The following TRPV2 variants were observed in gnomAD, a reference collection of about 807,000 sequenced individuals.
The protein encoded by TRPV2 is OTRPC2.
A neutral mutation model predicts 91.0 loss-of-function variants in TRPV2; 58 were observed. The observed-to-expected ratio is 0.64, with a 90% CI of 0.52 to 0.79. The LOEUF (loss-of-function observed/expected upper bound fraction) is 0.79, where lower values mean the gene tolerates loss of function less well. Among genes scored for constraint, TRPV2 ranks in the 30% least tolerant of loss-of-function variants. TRPV2 has a pLI of 0.00. For synonymous variants in TRPV2, 417 were observed against 414.8 expected (o/e 1.01, Z -0.06); for missense variants, 807 against 969.6 (o/e 0.83, Z 2.23).
At chr17:16,417,391 C>A (rs1269642362) in intron 1 of TRPV2, among the ~76,000 whole-genome samples, 171 bp from the exon 2 acceptor site, 1 of 151,910 alleles carries the variant, frequency 6.6e-6, no homozygotes, top group Admixed American at 6.6e-5. Context: ...CAGGCACAAG[C>A]CACCATGCCC....
In TRPV2 at chr17:16,428,898, T is replaced by G. The variant is rs752652850; in HGVS notation, c.1503T>G (p.Ser501=). 6.2e-7 allele frequency: 1 copy of G among 1,614,068 alleles called. No homozygotes were observed. Among genetic ancestry groups the G allele is most frequent in the Non-Finnish European group, 8.5e-7 (1 of 1,180,044 alleles). ...AGTGGTACCTGCCCCTGCTTGTGTC[T>G]GCGCTGGTGCTGGGCTGGCTGAACC... ...AIEWYLPLLV[S]ALVLGWLNLL... The change falls in exon 10 of 15, where the codon TCT becomes TCG. Residue 501 remains serine (S), a synonymous_variant. Transcript: ENST00000338560.
Position 16,431,985 on chromosome 17 carries a change from G to T in TRPV2, c.1674G>T (p.Gln558His). 6.2e-7 allele frequency: 1 copy of T among 1,605,128 alleles called. No homozygotes were observed. Residue 558 changes from glutamine to histidine, a missense_variant, in exon 12 of 15, where the codon CAG becomes CAT. By Grantham distance (24) the Gln-to-His change is conservative (BLOSUM62 0). Transcript: ENST00000338560. ...CCATAGCCCTGGTGAGCCTGAGCCA[G>T]GAGGCTTGGCGCCCCGAAGCTCCTA... ...GFAVALVSLS[Q>H]EAWRPEAPTG...
At chr17:16,417,188 GGGT>G (rs1568900502) in intron 1 of TRPV2, among the ~76,000 whole-genome samples, 1 of 152,018 alleles carries the variant, frequency 6.6e-6, no homozygotes, top group Non-Finnish European at 1.5e-5. Context: ...CCCACACAGT[GGGT>G]GGACCTACTT....
intron 9 of TRPV2, 73 bp downstream of exon 9, chr17:16,428,460 C>G: frequency 6.5e-7 from 1 of 1,528,022 alleles, no homozygotes; most frequent in Non-Finnish European, 9.1e-7. Flanking sequence ...GCAGAAGGCA[C>G]CAGGTTGGCT....
chr17:16,419,544 C>T (rs1040308423), intron 2 of TRPV2: 5 of 396,356 alleles, frequency 1.3e-5, no homozygotes, highest in African/African-American at 1.1e-4. Context: ...AGTTACATGA[C>T]CTCCTTGTTT....
chr17:16,417,807 G>A lies in TRPV2; in HGVS notation c.139G>A (p.Asp47Asn), dbSNP rs2093338466. 1.2e-6 allele frequency: 2 copies of A among 1,614,088 alleles called. No individual in the cohort carries two copies. The highest frequency in any genetic ancestry group is 8.5e-7 in the Non-Finnish European group (1 of 1,180,054). ...PPMESQFQGE[D>N]RKFAPQIRVN... ...CATGGAGTCACAGTTCCAGGGCGAG[G>A]ACCGGAAATTCGCCCCTCAGATAAG... is the stretch of plus-strand genomic sequence containing the variant. Residue 47 changes from aspartate to asparagine, a missense_variant, in exon 2 of 15, where the codon GAC becomes AAC. Transcript: ENST00000338560.
At chr17:16,431,874 C>T in intron 11 of TRPV2, 24 bp downstream of exon 11, 2 of 1,613,916 alleles carry the variant, frequency 1.2e-6, no homozygotes, top group Non-Finnish European at 1.7e-6. Flanking sequence ...CCGGCCCCCT[C>T]CCCCTTCCCC....
chr17:16,425,310 C>T (rs1188607102), intron 5 of TRPV2, among the ~76,000 whole-genome samples: 1 of 152,104 alleles, frequency 6.6e-6, no homozygotes, highest in South Asian at 2.1e-4. Flanking sequence ...AGGCATGAGC[C>T]GAAACGCCCA....
chr17:16,426,406 C>T lies in TRPV2; in HGVS notation c.1095+137C>T. ...GGGTGTGGCTGCATGTCCCAGCAGG[C>T]ACGACCCTGACCATGGCCACCGGGC... On this transcript the variant is annotated intron_variant, in intron 6 of 14. Coordinates refer to ENST00000338560, the MANE Select transcript of TRPV2 (RefSeq NM_016113.5). This position sits in a 1 kb window ranked among gnomAD's most constrained non-coding sequence, Gnocchi z 6.0. 1.8e-6 allele frequency: 2 copies of T among 1,133,716 alleles called. No homozygotes were observed. The highest frequency in any genetic ancestry group is 2.5e-6 in the Non-Finnish European group (2 of 804,300). 70.2% of individuals were successfully genotyped at this position (1,133,716 alleles called of 1,614,324 possible).
At chr17:16,433,383 G>A (rs1010398596) in intron 12 of TRPV2, 191 bp from the exon 13 acceptor site, 1 of 684,080 alleles carries the variant, frequency 1.5e-6, no homozygotes, top group Non-Finnish European at 2.4e-6. Flanking sequence ...AAACTGAGAT[G>A]CAGAGAGGCT....
Position 16,434,788 on chromosome 17 carries a change from ATC to A in TRPV2, c.2115-98_2115-97del, listed in dbSNP as rs2093428309. The stretch of plus-strand genomic sequence containing the variant: ...TCAGGGCCTCTGTGTCCACCAGAGC[ATC>A]TCTGCATAGTCTCCCAATTTGGGGG... On this transcript the variant is annotated intron_variant, in intron 13 of 14. Transcript: ENST00000338560. The A allele has an allele frequency of 2.6e-5, 29 of 1,104,032 alleles. 1 individual carries two copies. The South Asian group carries it at 3.8e-4, about 15-fold the overall frequency. The allele number at this position is 1,104,032 out of a possible 1,614,324, so 68.4% of individuals were successfully genotyped here.
rs776208126 is a variant in TRPV2, at chr17:16,426,251, C to T, written c.1077C>T (p.Ala359=). The T allele has an allele frequency of 5.0e-6, 8 of 1,614,160 alleles. No individual in the cohort carries two copies. The highest frequency in any genetic ancestry group is 6.8e-6 in the Non-Finnish European group (8 of 1,180,018). The change falls in exon 6 of 15, where the codon GCC becomes GCT. Residue 359 remains alanine (A), a synonymous_variant. Transcript: ENST00000338560. This position sits in a 1 kb window ranked among gnomAD's most constrained non-coding sequence, Gnocchi z 6.0. ...CEENSVLEII[A]FHCKSPHRHR... Reference sequence around the variant, plus strand: ...AGAACTCAGTGCTGGAGATCATTGCCTTTCATTGCAAGAGCCCGGTGAGCC... The same window carrying T: ...AGAACTCAGTGCTGGAGATCATTGCTTTTCATTGCAAGAGCCCGGTGAGCC...
chr17:16,426,420 T>C lies in TRPV2; in HGVS notation c.1095+151T>C. 9.8e-7 allele frequency: 1 copy of C among 1,017,450 alleles called. No homozygotes were observed. The highest frequency in any genetic ancestry group is 1.4e-6 in the Non-Finnish European group (1 of 702,804). 63.0% of individuals were successfully genotyped at this position (1,017,450 alleles called of 1,614,324 possible). ...GTCCCAGCAGGCACGACCCTGACCATGGCCACCGGGCCCATACTCAATCCA... is the reference window on the plus strand; with the variant it reads ...GTCCCAGCAGGCACGACCCTGACCACGGCCACCGGGCCCATACTCAATCCA... On this transcript the variant is annotated intron_variant, in intron 6 of 14. Coordinates refer to ENST00000338560, the MANE Select transcript of TRPV2 (RefSeq NM_016113.5). The surrounding 1 kb of genome is among the most constrained non-coding windows in gnomAD (Gnocchi z 6.0).
chr17:16,436,982 A>G lies in TRPV2; in HGVS notation c.*93A>G. ...GGGGTCCCAGTGAATTCTGGTGGCA[A>G]ATATATATTTTCACTAACTAACTCT... On this transcript the variant is annotated 3_prime_UTR_variant, in exon 15 of 15. Coordinates refer to ENST00000338560, the MANE Select transcript of TRPV2 (RefSeq NM_016113.5). The G allele has an allele frequency of 1.0e-6, 1 of 1,004,926 alleles. No individual in the cohort carries two copies. Among genetic ancestry groups the G allele is most frequent in the Non-Finnish European group, 1.5e-6 (1 of 646,982 alleles). The allele number at this position is 1,004,926 out of a possible 1,614,324, so 62.3% of individuals were successfully genotyped here.
chr17:16,427,100 T>C (rs1295608416), intron 7 of TRPV2, among the ~76,000 whole-genome samples: 2 of 152,178 alleles, frequency 1.3e-5, no homozygotes, highest in Non-Finnish European at 1.5e-5. Flanking sequence ...TGTTGACTAA[T>C]TAATGTGCCC....
rs750769111 is a variant in TRPV2 at position 16,423,723 on chromosome 17, G to C, written c.880G>C (p.Asp294His). 1.2e-6 allele frequency: 2 copies of C among 1,606,174 alleles called. No homozygotes were observed. The highest frequency in any genetic ancestry group is 1.7e-6 in the Non-Finnish European group (2 of 1,174,486). ...GCTTGAGGACATCCGCAACCTGCAG[G>C]ATCTCACGCCTCTGAAGCTGGCCGC... ...VQLEDIRNLQ[D>H]LTPLKLAAKE... The change falls in exon 5 of 15, where the codon GAT (aspartate) becomes CAT (histidine). Residue 294 changes from aspartate to histidine, a missense_variant. Transcript: ENST00000338560.
At chr17:16,418,944 C>A (rs1000117071) in intron 2 of TRPV2, among the ~76,000 whole-genome samples, 9 of 151,914 alleles carry the variant, frequency 5.9e-5, no homozygotes, top group African/African-American at 2.2e-4. Context: ...CTTGAAATCC[C>A]CACCTGATTC....
chr17:16,429,641 G>C (rs2093400712), intron 10 of TRPV2, among the ~76,000 whole-genome samples: 1 of 152,126 alleles, frequency 6.6e-6, no homozygotes, highest in Admixed American at 6.5e-5. Context: ...GTGAAGAGGA[G>C]ATATTCTCAG....
At chr17:16,425,126 G>T (rs2093377116) in intron 5 of TRPV2, among the ~76,000 whole-genome samples, 1 of 148,680 alleles carries the variant, frequency 6.7e-6, no homozygotes, top group Admixed American at 6.9e-5. Context: ...CGGAGTTCAA[G>T]CGATTCTCTT....
Sources: allele counts gnomAD v4.1 joint callset (sites outside exome capture counted in the v4.1 genomes callset), GRCh38; gene constraint gnomAD v4.1.1; non-coding constraint Gnocchi (gnomAD v3.1); transcripts MANE v1.5; gene names NCBI Gene and HGNC (gene_info 2026-07-23, HGNC 2026-07-21).